Variants in HHAT observed in about 807,000 individuals in gnomAD.
HHAT encodes protein-cysteine N-palmitoyltransferase HHAT.
In HHAT, 47 loss-of-function variants were observed where a neutral mutation model predicts 70.8. The ratio of observed to expected loss-of-function variants is 0.66; its 90% CI spans 0.53 to 0.85. The LOEUF is 0.85. Ranked by LOEUF, HHAT falls within the 40% of genes least tolerant of loss-of-function variation. HHAT has a pLI of 0.00. For synonymous variants in HHAT, 228 were observed against 247.6 expected (o/e 0.92, Z 0.74); for missense variants, 609 against 604.8 (o/e 1.01, Z -0.07).
intron 10 of HHAT, among the ~76,000 whole-genome samples, chr1:210,620,829 G>C (rs893034540): frequency 6.6e-6 from 1 of 150,376 alleles, no homozygotes; most frequent in Non-Finnish European, 1.5e-5. Context: ...TCAGATTTTA[G>C]TTGCCCCCCC....
intron 10 of HHAT, among the ~76,000 whole-genome samples, chr1:210,613,565 G>A (rs548956331): frequency 2.0e-5 from 3 of 152,150 alleles, no homozygotes; most frequent in Non-Finnish European, 4.4e-5. Context: ...CTGCAACTTT[G>A]TTCTGCTTTT....
chr1:210,446,028 C>T (rs2093627573), intron 7 of HHAT, among the ~76,000 whole-genome samples: 1 of 152,250 alleles, frequency 6.6e-6, no homozygotes. Flanking sequence ...CTCCCCCAGG[C>T]TCTATCTTTG....
At chr1:210,433,663 A>AT (rs2093309310) in intron 7 of HHAT, among the ~76,000 whole-genome samples, 2 of 151,966 alleles carry the variant, frequency 1.3e-5, no homozygotes, top group South Asian at 4.1e-4. Flanking sequence ...ACAGGGTGAC[A>AT]TTTGTTTTTC....
intron 9 of HHAT, among the ~76,000 whole-genome samples, chr1:210,527,159 C>T (rs2095260250): frequency 1.3e-5 from 2 of 152,250 alleles, no homozygotes; most frequent in Middle Eastern, 3.4e-3. Context: ...CACCACCTTC[C>T]AAGAATGAAG....
chr1:210,623,164 C>T (rs1334086559), intron 10 of HHAT, among the ~76,000 whole-genome samples: 3 of 152,174 alleles, frequency 2.0e-5, no homozygotes, highest in East Asian at 1.9e-4. Context: ...CTCGAACTCC[C>T]GGGCTGAAGC....
chr1:210,473,896 T>G (rs958246942), intron 8 of HHAT, among the ~76,000 whole-genome samples: 1 of 152,236 alleles, frequency 6.6e-6, no homozygotes, highest in Non-Finnish European at 1.5e-5. Context: ...AGCAAAGTCG[T>G]GTTGCTTTTT....
intron 3 of HHAT, among the ~76,000 whole-genome samples, chr1:210,368,467 T>C (rs1339144783): frequency 6.6e-6 from 1 of 152,136 alleles, no homozygotes; most frequent in Non-Finnish European, 1.5e-5. Flanking sequence ...AGATTTTGTA[T>C]TTTTAGTAGA....
In HHAT at chr1:210,404,578, G is replaced by T; in HGVS notation, c.583G>T (p.Ala195Ser). The change falls in exon 6 of 12, where the codon GCA becomes TCA. Residue 195 changes from alanine to serine, a missense_variant. Coordinates refer to ENST00000261458, the MANE Select transcript of HHAT (RefSeq NM_018194.6). ...LELCWQQLPA[A>S]STSYSFPWML... ...GCTCTGCTGGCAGCAGCTGCCTGCT[G>T]CATCGACCTCCTACTCCTTTCCCTG... 3 of 1,614,060 alleles carry T rather than the reference G, an allele frequency of 1.9e-6. No individual in the cohort carries two copies. The highest frequency in any genetic ancestry group is 2.5e-6 in the Non-Finnish European group (3 of 1,179,934).
In HHAT at chr1:210,396,073, A is replaced by C. The variant is rs137977152; in HGVS notation, c.274-4395A>C. Among the ~76,000 whole-genome samples, 424 of 152,256 alleles carry C rather than the reference A, an allele frequency of 2.8e-3. 4 individuals are homozygous for C. The highest frequency in any genetic ancestry group is 9.2e-3 in the African/African-American group (382 of 41,536). ...AGGGGAAGGATGCCTGCTTAAGTCA[A>C]CCAGGGTTAGTAAGATCTATGTCTC... On this transcript the variant is annotated intron_variant, in intron 4 of 11. Transcript: ENST00000261458.
intron 9 of HHAT, 77 bp downstream of exon 9, chr1:210,513,265 TA>T (rs2094992432): frequency 1.3e-6 from 1 of 786,514 alleles, no homozygotes; most frequent in East Asian, 2.5e-5. Context: ...AAATCTTTGT[TA>T]AGTATCTTGA....
At chr1:210,619,445 G>A (rs948580871) in intron 10 of HHAT, among the ~76,000 whole-genome samples, 1 of 152,128 alleles carries the variant, frequency 6.6e-6, no homozygotes. Flanking sequence ...TGAATACTGT[G>A]AAGGAACATT....
intron 1 of HHAT, among the ~76,000 whole-genome samples, chr1:210,346,699 G>C (rs1160301975): frequency 2.0e-5 from 3 of 152,214 alleles, no homozygotes; most frequent in Non-Finnish European, 4.4e-5. Flanking sequence ...GTTTATCAAG[G>C]CTGAAGTTTA....
At chr1:210,412,231 A>G (rs2092449) in intron 6 of HHAT, among the ~76,000 whole-genome samples, 128,924 of 152,138 alleles carry the variant, frequency 0.85, 54,882 homozygotes, top group South Asian at 0.91. Context: ...AGGAATTTTT[A>G]GAGGGATGTA....
chr1:210,409,104 G>T (rs993811604), intron 6 of HHAT, among the ~76,000 whole-genome samples: 1 of 152,164 alleles, frequency 6.6e-6, no homozygotes, highest in East Asian at 1.9e-4. Flanking sequence ...GGCCTCAAGT[G>T]ATTCTCTTGC....
intron 9 of HHAT, among the ~76,000 whole-genome samples, chr1:210,535,995 G>A (rs923764059): frequency 1.3e-5 from 2 of 152,170 alleles, no homozygotes; most frequent in Non-Finnish European, 2.9e-5. Flanking sequence ...CTGCTCCTGG[G>A]GAGATTAGGG....
chr1:210,658,104 T>C (rs1310015354), intron 11 of HHAT, among the ~76,000 whole-genome samples: 1 of 152,158 alleles, frequency 6.6e-6, no homozygotes. Flanking sequence ...TCTAGGGACG[T>C]AGGAAGAAAG....
At chr1:210,647,421 A>G (rs1048874207) in intron 11 of HHAT, among the ~76,000 whole-genome samples, 1 of 152,162 alleles carries the variant, frequency 6.6e-6, no homozygotes, top group African/African-American at 2.4e-5. Context: ...CCTTTTCCCC[A>G]TTCCACTGGG....
chr1:210,332,937 C>T (rs1571640436), intron 1 of HHAT, among the ~76,000 whole-genome samples: 1 of 152,168 alleles, frequency 6.6e-6, no homozygotes, highest in African/African-American at 2.4e-5. Context: ...TTGTTTTTTA[C>T]TCATTTCGGC....
chr1:210,404,712 A>G lies in HHAT; in HGVS notation c.684+33A>G, dbSNP rs982711700. 4 of 1,561,290 alleles carry G rather than the reference A, an allele frequency of 2.6e-6. No individual in the cohort carries two copies. In the African/African-American group the frequency reaches 5.4e-5, roughly 21 times the overall value. On this transcript the variant is annotated intron_variant, in intron 6 of 11. Transcript: ENST00000261458. ...CCGCTGGGGATGGGATTGGGATTCT[A>G]TAGCTTAAGCCTTTGTCGCTGTTGC...
Sources: allele counts gnomAD v4.1 joint callset (sites outside exome capture counted in the v4.1 genomes callset), GRCh38; gene constraint gnomAD v4.1.1; transcripts MANE v1.5; gene names NCBI Gene and HGNC (gene_info 2026-07-23, HGNC 2026-07-21).